KCNK2: variants seen among roughly 807,000 people sequenced by gnomAD.
The protein encoded by KCNK2 is potassium two pore domain channel subfamily K member 2.
Under a neutral mutation model 40.5 loss-of-function variants are expected in KCNK2, and 21 were observed. The observed-to-expected ratio is 0.52, with a 90% CI of 0.37 to 0.75. The LOEUF (loss-of-function observed/expected upper bound fraction) is 0.75. Ranked by LOEUF, KCNK2 falls within the 30% of genes least tolerant of loss-of-function variation. The pLI, the probability that KCNK2 is intolerant of heterozygous loss-of-function variation, is 0.00. For synonymous variants in KCNK2, 191 were observed against 202.2 expected, an observed-to-expected ratio of 0.94 and a Z score of 0.47; for missense variants, 399 against 531.6, an observed-to-expected ratio of 0.75 and a Z score of 2.45.
intron 1 of KCNK2, among the ~76,000 whole-genome samples, chr1:215,052,570 T>G (rs901011045): frequency 1.3e-5 from 2 of 152,160 alleles, no homozygotes. Flanking sequence ...ATGCTCACAT[T>G]TTTTGGTGAT....
At chr1:215,177,719 T>C (rs1351737463) in intron 5 of KCNK2, among the ~76,000 whole-genome samples, 1 of 67,590 alleles carries the variant, frequency 1.5e-5, no homozygotes, top group Admixed American at 1.4e-4. Context: ...TATATATATA[T>C]GTGTATATAT....
intron 6 of KCNK2, among the ~76,000 whole-genome samples, chr1:215,227,588 A>G (rs568322448): frequency 3.9e-5 from 6 of 152,304 alleles, no homozygotes; most frequent in African/African-American, 1.2e-4. Context: ...ACAGGCATCA[A>G]TTGGTTTTAT....
intron 2 of KCNK2, among the ~76,000 whole-genome samples, chr1:215,103,854 T>C (rs1660321930): frequency 6.6e-6 from 1 of 152,078 alleles, no homozygotes; most frequent in Non-Finnish European, 1.5e-5. Context: ...TGTGTGTCTG[T>C]TTTATTCCCT....
intron 1 of KCNK2, among the ~76,000 whole-genome samples, chr1:215,063,676 G>A (rs981868888): frequency 6.6e-6 from 1 of 152,158 alleles, no homozygotes; most frequent in Non-Finnish European, 1.5e-5. Context: ...CTCTCGCTCA[G>A]ACTCCTCTGA....
intron 1 of KCNK2, among the ~76,000 whole-genome samples, chr1:215,034,492 AACC>A (rs1192448461): frequency 4.6e-5 from 7 of 152,228 alleles, no homozygotes; most frequent in Admixed American, 1.3e-4. Flanking sequence ...CTTTATAAGT[AACC>A]GTCTGTTTTT....
chr1:215,088,819 A>AT (rs1441230646), intron 2 of KCNK2, among the ~76,000 whole-genome samples: 1 of 152,214 alleles, frequency 6.6e-6, no homozygotes, highest in East Asian at 1.9e-4. Context: ...TATGCTCTGC[A>AT]TTGGCAATCC....
chr1:215,143,491 G>T (rs1331263302), intron 3 of KCNK2, among the ~76,000 whole-genome samples: 3 of 152,284 alleles, frequency 2.0e-5, no homozygotes, highest in African/African-American at 7.2e-5. Context: ...TATGTGCCAG[G>T]TTTTAAGTGT....
chr1:215,134,658 G>GT (rs1333285268), intron 3 of KCNK2, among the ~76,000 whole-genome samples: 5 of 151,788 alleles, frequency 3.3e-5, no homozygotes, highest in South Asian at 4.2e-4. Context: ...GTCATGGCTT[G>GT]TTTTTTTTCT....
intron 1 of KCNK2, among the ~76,000 whole-genome samples, chr1:215,041,510 T>G (rs746798703): frequency 6.6e-6 from 1 of 152,172 alleles, no homozygotes; most frequent in Non-Finnish European, 1.5e-5. Flanking sequence ...AAAATGAGGT[T>G]GGGAAACTTT....
At chr1:215,151,942 C>T (rs944186958) in intron 3 of KCNK2, among the ~76,000 whole-genome samples, 4 of 152,032 alleles carry the variant, frequency 2.6e-5, no homozygotes, top group African/African-American at 9.7e-5. Flanking sequence ...TACAGTAATT[C>T]TTCTTCTAAG....
intron 1 of KCNK2, among the ~76,000 whole-genome samples, chr1:215,065,248 G>A (rs919932200): frequency 1.3e-5 from 2 of 152,084 alleles, no homozygotes; most frequent in African/African-American, 4.8e-5. Context: ...CAAAGCCAGC[G>A]GCTGTCATCT....
At chr1:215,099,095 C>T (rs535533052) in intron 2 of KCNK2, among the ~76,000 whole-genome samples, 4 of 152,020 alleles carry the variant, frequency 2.6e-5, no homozygotes, top group African/African-American at 9.6e-5. Flanking sequence ...GTTTGTTGCA[C>T]AGATTATTTT....
At chr1:215,055,269 C>T (rs923225757) in intron 1 of KCNK2, among the ~76,000 whole-genome samples, 2 of 152,194 alleles carry the variant, frequency 1.3e-5, no homozygotes, top group African/African-American at 4.8e-5. Context: ...GTCCCAATCA[C>T]TGTTTGCAAT....
intron 1 of KCNK2, among the ~76,000 whole-genome samples, chr1:215,016,206 G>A (rs977138270): frequency 2.6e-5 from 4 of 152,084 alleles, no homozygotes; most frequent in Admixed American, 1.3e-4. Context: ...TAATGAATTG[G>A]AAGGTATGTC....
intron 6 of KCNK2, among the ~76,000 whole-genome samples, chr1:215,230,542 T>TATAC (rs1409117172): frequency 6.9e-5 from 6 of 87,422 alleles, no homozygotes; most frequent in African/African-American, 9.8e-5. Flanking sequence ...TGTATATATA[T>TATAC]ACACACACAT....
intron 6 of KCNK2, among the ~76,000 whole-genome samples, chr1:215,200,959 C>T (rs1031890684): frequency 3.1e-4 from 47 of 152,208 alleles, no homozygotes; most frequent in Non-Finnish European, 5.9e-4. Context: ...ATTGCATCTG[C>T]GTGCCTGGAA....
intron 2 of KCNK2, among the ~76,000 whole-genome samples, chr1:215,101,303 G>A (rs957637170): frequency 9.2e-5 from 14 of 151,966 alleles, no homozygotes; most frequent in African/African-American, 3.4e-4. Context: ...AGATAGAGAT[G>A]GGAGGTGGGC....
Position 215,169,268 on chromosome 1 carries a change from T to C in KCNK2, c.545T>C (p.Ile182Thr). ...IFCIIYALLGIPLFGFLLAGV... is the reference protein window; with the variant it reads ...IFCIIYALLGTPLFGFLLAGV... ...TGTATCATCTATGCCTTACTGGGAA[T>C]TCCCCTCTTTGGTTTTCTCTTGGCT... Residue 182 changes from isoleucine to threonine, a missense_variant, in exon 4 of 7, where the codon ATT (isoleucine) becomes ACT (threonine). By Grantham distance (89) the Ile-to-Thr change is moderately conservative. Coordinates refer to ENST00000444842, the MANE Select transcript of KCNK2 (RefSeq NM_001017425.3). The C allele has an allele frequency of 6.2e-7, 1 of 1,613,352 alleles. No individual in the cohort carries two copies.
At chr1:215,037,935 A>G (rs1364328620) in intron 1 of KCNK2, among the ~76,000 whole-genome samples, 1 of 151,674 alleles carries the variant, frequency 6.6e-6, no homozygotes, top group Non-Finnish European at 1.5e-5. Context: ...ATCCTTTAGG[A>G]TATACCTAAG....
Sources: allele counts gnomAD v4.1 joint callset (sites outside exome capture counted in the v4.1 genomes callset), GRCh38; gene constraint gnomAD v4.1.1; transcripts MANE v1.5; gene names NCBI Gene and HGNC (gene_info 2026-07-23, HGNC 2026-07-21).